The following FRYL variants were observed in gnomAD, a reference collection of about 807,000 sequenced individuals.
FRYL encodes the protein FRY like transcription coactivator.
A neutral mutation model predicts 351.2 loss-of-function variants in FRYL; 150 were observed. The ratio of observed to expected loss-of-function variants is 0.43; its 90% CI spans 0.37 to 0.49. The LOEUF (loss-of-function observed/expected upper bound fraction) is 0.49. Ranked by LOEUF, FRYL falls within the 20% of genes least tolerant of loss-of-function variation. The probability of loss-of-function intolerance (pLI) is 0.00; values close to 1 mark genes in which losing one functional copy is unlikely to be tolerated. For synonymous variants in FRYL, 1,153 were observed against 1,257.1 expected (o/e 0.92, Z 1.75); for missense variants, 3,036 against 3,619.3 (o/e 0.84, Z 4.13).
intron 35 of FRYL, 68 bp from the exon 36 acceptor site, chr4:48,553,451 A>C: frequency 9.0e-7 from 1 of 1,114,688 alleles, no homozygotes; most frequent in African/African-American, 1.6e-5. Flanking sequence ...CTCCTGAGAC[A>C]AACTTTATCA....
At chr4:48,513,776 G>A (rs1406785702) in intron 56 of FRYL, among the ~76,000 whole-genome samples, 1 of 152,218 alleles carries the variant, frequency 6.6e-6, no homozygotes, top group African/African-American at 2.4e-5. Context: ...CTGTGGTGAT[G>A]ATTTTAACAC....
At chr4:48,505,363 G>A (rs762374819) in intron 60 of FRYL, 184 bp downstream of exon 60, 2 of 616,764 alleles carry the variant, frequency 3.2e-6, no homozygotes, top group East Asian at 6.1e-5. Context: ...TTATTAAAGT[G>A]AATTTTTCAT....
intron 3 of FRYL, among the ~76,000 whole-genome samples, chr4:48,665,382 T>C (rs1761526397): frequency 6.6e-6 from 1 of 152,220 alleles, no homozygotes. Flanking sequence ...TCCAAATATA[T>C]TTAAAAATCA....
intron 30 of FRYL, 23 bp downstream of exon 30, chr4:48,564,910 T>C: frequency 7.8e-7 from 1 of 1,286,156 alleles, no homozygotes; most frequent in African/African-American, 1.5e-5. Flanking sequence ...ATTATGAACC[T>C]TTAAGGAAAT....
chr4:48,523,158 C>G, intron 53 of FRYL, 54 bp from the exon 54 acceptor site: 1 of 1,216,520 alleles, frequency 8.2e-7, no homozygotes, highest in African/African-American at 1.5e-5. Context: ...TCTAAATGTA[C>G]TAAATGTAAT....
At chr4:48,765,685 AAAC>A (rs1774875802) in intron 1 of FRYL, among the ~76,000 whole-genome samples, 1 of 152,192 alleles carries the variant, frequency 6.6e-6, no homozygotes, top group Non-Finnish European at 1.5e-5. Context: ...ACAACTAAGG[AAAC>A]AACAAAATGA....
In FRYL at chr4:48,531,283, G is replaced by C; in HGVS notation, c.6776C>G (p.Pro2259Arg). ...VVSRSASLVV[P>R]SDIPKTYGGD... ...TCCATAGGTCTTGGGGATATCACTG[G>C]GTACGACAAGACTCGCAGAGCGTGA... is the stretch of plus-strand genomic sequence containing the variant. The change falls in exon 50 of 64, where the codon CCC (proline) becomes CGC (arginine). Residue 2259 changes from proline to arginine, a missense_variant. Pro to Arg is a moderately radical substitution (Grantham distance 103). This residue lies in a region of FRYL where 1,987 missense variants were observed against 2,311.7 expected (regional missense o/e 0.86). Coordinates refer to ENST00000358350, the MANE Select transcript of FRYL (RefSeq NM_015030.2). The C allele has an allele frequency of 6.2e-7, 1 of 1,613,348 alleles. No homozygotes were observed. Among genetic ancestry groups the C allele is most frequent in the Non-Finnish European group, 8.5e-7 (1 of 1,179,456 alleles).
chr4:48,546,547 G>C, intron 41 of FRYL: 2 of 365,624 alleles, frequency 5.5e-6, no homozygotes, highest in Non-Finnish European at 5.0e-6. Context: ...GCAAGTGGCA[G>C]TTTCCTAATA....
At chr4:48,750,460 C>CA (rs1241359739) in intron 1 of FRYL, among the ~76,000 whole-genome samples, 5 of 150,494 alleles carry the variant, frequency 3.3e-5, no homozygotes, top group Non-Finnish European at 7.4e-5. Context: ...GATCCCATCT[C>CA]AAAAAAAATA....
Position 48,544,890 on chromosome 4 carries a change from A to G in FRYL, c.5294T>C (p.Leu1765Pro). Reference sequence around the variant, plus strand: ...GGCAGAAACATCCTCATGGTTCCAAAGGGGCCCTCTTTTTCTGAAAACAGA... The same window carrying G: ...GGCAGAAACATCCTCATGGTTCCAAGGGGGCCCTCTTTTTCTGAAAACAGA... ...EFITSRKRGP[L>P]WNHEDVSAKN... Residue 1765 changes from leucine to proline, a missense_variant, in exon 43 of 64, where the codon CTT (leucine) becomes CCT (proline). Physicochemically the swap from Leu to Pro is moderately conservative, Grantham distance 98 (BLOSUM62 -3). Around this residue, in one of 7 missense-constraint regions of FRYL, gnomAD observed 1,987 missense variants for 2,311.7 expected, o/e 0.86. Transcript: ENST00000358350. 6.2e-7 allele frequency: 1 copy of G among 1,603,366 alleles called. No homozygotes were observed. The highest frequency in any genetic ancestry group is 1.3e-5 in the African/African-American group (1 of 74,264).
Position 48,592,099 on chromosome 4 carries a change from TA to T in FRYL, c.1336-1270del, listed in dbSNP as rs1401966410. 7.5e-5 allele frequency among the ~76,000 whole-genome samples: 3 copies of T among 40,216 alleles called. No homozygotes were observed. In the East Asian group the frequency reaches 3.3e-3, roughly 44 times the overall value. The allele number at this position is 40,216 out of a possible 152,430, so 26.4% of individuals were successfully genotyped here. A position where few individuals can be genotyped will look rare whatever the true frequency, so the allele number is the denominator to read the frequency against. On this transcript the variant is annotated intron_variant, in intron 16 of 63. Coordinates refer to ENST00000358350, the MANE Select transcript of FRYL (RefSeq NM_015030.2). ...TAAAGCTCTTATATATATATATATA[TA>T]TATATATATATATATTTTATCTAAG...
At chr4:48,616,049 C>G (rs147682498) in intron 7 of FRYL, among the ~76,000 whole-genome samples, 1 of 152,116 alleles carries the variant, frequency 6.6e-6, no homozygotes, top group Non-Finnish European at 1.5e-5. Context: ...GAAGGAACAT[C>G]ACACACTGGG....
intron 3 of FRYL, among the ~76,000 whole-genome samples, chr4:48,666,811 T>C (rs146036338): frequency 6.6e-6 from 1 of 152,258 alleles, no homozygotes; most frequent in African/African-American, 2.4e-5. Context: ...TACTTCCTCT[T>C]GAGGACAGTG....
At chr4:48,680,162 T>C (rs1764387355) in intron 3 of FRYL, among the ~76,000 whole-genome samples, 1 of 151,970 alleles carries the variant, frequency 6.6e-6, no homozygotes. Flanking sequence ...AAAACAGCTA[T>C]AATACATATC....
At chr4:48,527,765 A>T in intron 52 of FRYL, 112 bp from the exon 53 acceptor site, 1 of 1,160,824 alleles carries the variant, frequency 8.6e-7, no homozygotes, top group Non-Finnish European at 1.2e-6. Context: ...ATGAATTCAC[A>T]GCTTAAATTT....
chr4:48,728,372 A>G lies in FRYL; in HGVS notation c.-383-17674T>C, dbSNP rs563520399. Among the ~76,000 whole-genome samples, 3 of 152,292 alleles carry G rather than the reference A, an allele frequency of 2.0e-5. No individual in the cohort carries two copies. The East Asian group carries it at 5.8e-4, about 29-fold the overall frequency. ...AAAAAAAAACAGAGGACGAAACACA[A>G]AACTCAAGAACTGTGGGACAATTAC... is the stretch of plus-strand genomic sequence containing the variant. On this transcript the variant is annotated intron_variant, in intron 1 of 63. Coordinates refer to ENST00000358350, the MANE Select transcript of FRYL (RefSeq NM_015030.2).
At chr4:48,671,649 A>G (rs1263474008) in intron 3 of FRYL, among the ~76,000 whole-genome samples, 1 of 151,846 alleles carries the variant, frequency 6.6e-6, no homozygotes, top group Non-Finnish European at 1.5e-5. Context: ...CCTGGGCAAC[A>G]AGAGCAAAAC....
At chr4:48,684,085 A>T (rs779129948) in intron 3 of FRYL, among the ~76,000 whole-genome samples, 1 of 152,182 alleles carries the variant, frequency 6.6e-6, no homozygotes, top group Non-Finnish European at 1.5e-5. Context: ...GGAGAGAGCA[A>T]GGGGTTAAGG....
At chr4:48,709,575 G>A (rs555216632) in intron 2 of FRYL, among the ~76,000 whole-genome samples, 1 of 152,184 alleles carries the variant, frequency 6.6e-6, no homozygotes, top group African/African-American at 2.4e-5. Context: ...AGATAGGTTA[G>A]GGAAGAAAAC....
Sources: allele counts gnomAD v4.1 joint callset (sites outside exome capture counted in the v4.1 genomes callset), GRCh38; gene constraint gnomAD v4.1.1; regional missense constraint gnomAD v4.1.1; transcripts MANE v1.5; gene names NCBI Gene and HGNC (gene_info 2026-07-23, HGNC 2026-07-21).